The following DECR1 variants were observed in gnomAD, a reference collection of about 807,000 sequenced individuals.
DECR1 encodes 2,4-dienoyl-CoA reductase [(3E)-enoyl-CoA-producing], mitochondrial.
A neutral mutation model predicts 38.8 loss-of-function variants in DECR1; 44 were observed. The observed-to-expected ratio is 1.13, with a 90% CI of 0.89 to 1.46. DECR1 has a LOEUF of 1.46. Ranked by LOEUF, DECR1 falls within the 40% of genes most tolerant of loss-of-function variation. The probability of loss-of-function intolerance (pLI) is 0.00; values close to 1 mark genes in which losing one functional copy is unlikely to be tolerated. For synonymous variants in DECR1, 148 were observed against 135.2 expected (o/e 1.09, Z -0.66); for missense variants, 428 against 405.5 (o/e 1.06, Z -0.48).
At chr8:90,031,414 A>G (rs1805868) in intron 5 of DECR1, among the ~76,000 whole-genome samples, 77,230 of 151,948 alleles carry the variant, frequency 0.51, 21,965 homozygotes, top group African/African-American at 0.77. Context: ...AATTAAAATT[A>G]GTTAGAAAAA....
At chr8:90,001,641 C>T (rs897221004) in intron 1 of DECR1, 80 bp downstream of exon 1, 8 of 1,374,970 alleles carry the variant, frequency 5.8e-6, no homozygotes, top group South Asian at 1.2e-5. Flanking sequence ...CACGGGGGCT[C>T]GGGGAGCGAG....
chr8:90,032,291 AG>A (rs773861657), intron 5 of DECR1, among the ~76,000 whole-genome samples: 5 of 152,122 alleles, frequency 3.3e-5, no homozygotes, highest in Admixed American at 2.0e-4. Context: ...ATCCTTACAT[AG>A]GGACTGGTAC....
At chr8:90,027,051 C>A (rs949186189) in intron 5 of DECR1, among the ~76,000 whole-genome samples, 6 of 152,186 alleles carry the variant, frequency 3.9e-5, no homozygotes, top group Non-Finnish European at 5.9e-5. Flanking sequence ...TTTCTTAAAC[C>A]TGAGTTGTCG....
chr8:90,045,048 G>C, intron 8 of DECR1, 53 bp downstream of exon 8: 1 of 1,602,370 alleles, frequency 6.2e-7, no homozygotes, highest in Non-Finnish European at 8.5e-7. Context: ...GTTTGGGGCA[G>C]GGAGGTCTGT....
intron 5 of DECR1, among the ~76,000 whole-genome samples, chr8:90,034,521 G>A (rs1018087015): frequency 1.3e-5 from 2 of 151,932 alleles, no homozygotes; most frequent in African/African-American, 4.8e-5. Context: ...GCATCATCTC[G>A]GCTCACTGCA....
intron 6 of DECR1, among the ~76,000 whole-genome samples, chr8:90,039,450 T>C (rs751113533): frequency 6.6e-6 from 1 of 152,172 alleles, no homozygotes; most frequent in Non-Finnish European, 1.5e-5. Context: ...TTGTGAGAAC[T>C]CACTCACTAT....
At chr8:90,008,551 A>G (rs1246718977) in intron 1 of DECR1, among the ~76,000 whole-genome samples, 1 of 152,230 alleles carries the variant, frequency 6.6e-6, no homozygotes, top group African/African-American at 2.4e-5. Context: ...TCTTTTCAGT[A>G]AACAGGAGAC....
At chr8:90,014,944 CTT>C (rs985899460) in intron 1 of DECR1, among the ~76,000 whole-genome samples, 10 of 152,092 alleles carry the variant, frequency 6.6e-5, no homozygotes, top group Admixed American at 3.3e-4. Flanking sequence ...GATTACTGTG[CTT>C]TGGCAAAAGG....
At chr8:90,007,252 G>A (rs1028856028) in intron 1 of DECR1, among the ~76,000 whole-genome samples, 1 of 152,122 alleles carries the variant, frequency 6.6e-6, no homozygotes, top group African/African-American at 2.4e-5. Flanking sequence ...CAGGAGCTAG[G>A]TCGTGAAGAC....
Position 90,044,964 on chromosome 8 carries a change from G to T in DECR1, c.854G>T (p.Cys285Phe). The change falls in exon 8 of 10, where the codon TGT becomes TTT. Residue 285 changes from cysteine to phenylalanine, a missense_variant. Coordinates refer to ENST00000220764, the MANE Select transcript of DECR1 (RefSeq NM_001359.2). ...CTCGCAAATCTTGCTGCTTTCCTTT[G>T]TAGTGATTATGCTTCTTGGATTAAT... is the stretch of plus-strand genomic sequence containing the variant. ...EELANLAAFLCSDYASWINGA... is the reference protein window; with the variant it reads ...EELANLAAFLFSDYASWINGA... 1 of 1,613,894 alleles carries T rather than the reference G, an allele frequency of 6.2e-7. No individual in the cohort carries two copies. The highest frequency in any genetic ancestry group is 8.5e-7 in the Non-Finnish European group (1 of 1,179,888).
At position 90,036,832 on chromosome 8, in the gene DECR1, A is replaced by G; in HGVS notation, c.566-9A>G. On this transcript the variant is annotated splice_polypyrimidine_tract_variant and intron_variant, in intron 5 of 9. Coordinates refer to ENST00000220764, the MANE Select transcript of DECR1 (RefSeq NM_001359.2). Reference sequence around the variant, plus strand: ...ATTGCTAATCAACTGTATCCTTTTAAAATTTCAGGAGCAGCATTTCTTTCT... The same window carrying G: ...ATTGCTAATCAACTGTATCCTTTTAGAATTTCAGGAGCAGCATTTCTTTCT... 1 of 1,599,266 alleles carries G rather than the reference A, an allele frequency of 6.3e-7. No individual in the cohort carries two copies. Among genetic ancestry groups the G allele is most frequent in the Non-Finnish European group, 8.6e-7 (1 of 1,168,200 alleles).
chr8:90,035,797 T>A (rs190530437), intron 5 of DECR1, among the ~76,000 whole-genome samples: 9 of 152,112 alleles, frequency 5.9e-5, no homozygotes, highest in Non-Finnish European at 1.2e-4. Flanking sequence ...AGGTGTGTGG[T>A]TTTTTTTATT....
In DECR1 at chr8:90,053,556, T is replaced by A. The variant is rs894744929; in HGVS notation, c.*1659T>A. ...TTTCCCTCCACTGATTCCACCAGTA[T>A]AGCCATATTTCTCTTTCTGGTTAAA... On this transcript the variant is annotated 3_prime_UTR_variant, in exon 10 of 10. Transcript: ENST00000220764. Among the ~76,000 whole-genome samples the A allele has an allele frequency of 2.6e-5, 4 of 152,194 alleles. No homozygotes were observed. Among genetic ancestry groups the A allele is most frequent in the African/African-American group, 9.7e-5 (4 of 41,446 alleles).
At chr8:90,039,479 A>G (rs1233677700) in intron 6 of DECR1, among the ~76,000 whole-genome samples, 1 of 152,182 alleles carries the variant, frequency 6.6e-6, no homozygotes, top group East Asian at 1.9e-4. Context: ...CAGCATGGGG[A>G]AAACTGTCTT....
rs1039798292 is a variant in DECR1, at chr8:90,035,781, C to G, written c.566-1060C>G. Among the ~76,000 whole-genome samples the G allele has an allele frequency of 5.3e-5, 8 of 151,792 alleles. 1 individual carries two copies. The highest frequency in any genetic ancestry group is 5.3e-4 in the Admixed American group (8 of 15,202). ...TTGTGTCTGTGTGTATTTTAATTTT[C>G]TTTTGAGGTGTGTGGTTTTTTTTAT... On this transcript the variant is annotated intron_variant, in intron 5 of 9. Coordinates refer to ENST00000220764, the MANE Select transcript of DECR1 (RefSeq NM_001359.2).
At chr8:90,028,880 G>A (rs78898666) in intron 5 of DECR1, among the ~76,000 whole-genome samples, 1 of 151,794 alleles carries the variant, frequency 6.6e-6, no homozygotes, top group African/African-American at 2.4e-5. Flanking sequence ...GCAAGTAAGT[G>A]CTCTTTTATT....
intron 2 of DECR1, among the ~76,000 whole-genome samples, chr8:90,017,845 AC>A (rs1813047998): frequency 6.6e-6 from 1 of 152,104 alleles, no homozygotes; most frequent in Non-Finnish European, 1.5e-5. Flanking sequence ...TTAATAATTA[AC>A]CTTATACCAG....
At chr8:90,049,832 T>G (rs987157462) in intron 8 of DECR1, among the ~76,000 whole-genome samples, 1 of 152,110 alleles carries the variant, frequency 6.6e-6, no homozygotes, top group African/African-American at 2.4e-5. Context: ...AACAGAGATA[T>G]AGACCAACGG....
At chr8:90,013,562 G>A (rs1812939360) in intron 1 of DECR1, among the ~76,000 whole-genome samples, 1 of 152,086 alleles carries the variant, frequency 6.6e-6, no homozygotes, top group South Asian at 2.1e-4. Flanking sequence ...GGGCTGGACA[G>A]AGCTCAGGCC....
Sources: gnomAD v4.1 joint callset for allele counts (sites outside exome capture counted in the v4.1 genomes callset) on GRCh38, gnomAD v4.1.1 for gene constraint, MANE v1.5 for transcripts, NCBI Gene and HGNC (gene_info 2026-07-23, HGNC 2026-07-21) for gene names.